Variants in AGTPBP1 observed in about 807,000 individuals in gnomAD.
The protein encoded by AGTPBP1 is ATP/GTP binding carboxypeptidase 1.
A neutral mutation model predicts 143.9 loss-of-function variants in AGTPBP1; 70 were observed. That is an observed-to-expected ratio of 0.49 (90% CI 0.40 to 0.59). The LOEUF (loss-of-function observed/expected upper bound fraction) is 0.59, where lower values mean the gene tolerates loss of function less well. AGTPBP1 is among the 20% of genes least tolerant of loss of function. The pLI is 0.00. For synonymous variants in AGTPBP1, 463 were observed against 500.2 expected, an observed-to-expected ratio of 0.93 and a Z score of 0.99; for missense variants, 1,229 against 1,464.5, an observed-to-expected ratio of 0.84 and a Z score of 2.62.
intron 3 of AGTPBP1, among the ~76,000 whole-genome samples, chr9:85,690,270 G>T (rs1373931064): frequency 6.6e-6 from 1 of 152,116 alleles, no homozygotes; most frequent in African/African-American, 2.4e-5. Flanking sequence ...CTCCCAAATG[G>T]ATAGCTAACT....
the AGTPBP1 span, among the ~76,000 whole-genome samples, chr9:85,764,361 T>A: frequency 2.0e-5 from 3 of 151,944 alleles, no homozygotes; most frequent in African/African-American, 7.3e-5. Flanking sequence ...AAACCCCATC[T>A]CTAGTAAAAA....
At chr9:85,765,992 C>A in the AGTPBP1 span, among the ~76,000 whole-genome samples, 1 of 151,990 alleles carries the variant, frequency 6.6e-6, no homozygotes, top group African/African-American at 2.4e-5. Flanking sequence ...CCAGGGTGTC[C>A]TCCCAAGGTG....
intron 1 of AGTPBP1, among the ~76,000 whole-genome samples, chr9:85,724,739 A>G (rs1357299765): frequency 6.6e-6 from 1 of 152,172 alleles, no homozygotes; most frequent in African/African-American, 2.4e-5. Flanking sequence ...CCTATTATCT[A>G]TCTCTTTCCA....
intron 2 of AGTPBP1, among the ~76,000 whole-genome samples, chr9:85,693,617 G>C (rs1239689659): frequency 6.6e-6 from 1 of 151,886 alleles, no homozygotes; most frequent in African/African-American, 2.4e-5. Context: ...AAAAAAAATT[G>C]TACATACGGT....
At chr9:85,730,381 T>C (rs182967751) in intron 1 of AGTPBP1, among the ~76,000 whole-genome samples, 2 of 152,322 alleles carry the variant, frequency 1.3e-5, no homozygotes, top group East Asian at 1.9e-4. Flanking sequence ...GCTGTGTCAG[T>C]AGACGGCTCT....
At chr9:85,642,217 A>G (rs1832521613) in intron 13 of AGTPBP1, among the ~76,000 whole-genome samples, 1 of 152,188 alleles carries the variant, frequency 6.6e-6, no homozygotes, top group African/African-American at 2.4e-5. Context: ...AAGCCAGCTA[A>G]TTGCCAACAA....
chr9:85,758,387 G>C, the AGTPBP1 span, among the ~76,000 whole-genome samples: 1 of 152,182 alleles, frequency 6.6e-6, no homozygotes, highest in African/African-American at 2.4e-5. Flanking sequence ...GCTCACACCT[G>C]TAATCCCAGC....
At chr9:85,664,630 TATAAC>T in intron 8 of AGTPBP1, among the ~76,000 whole-genome samples, 1 of 152,258 alleles carries the variant, frequency 6.6e-6, no homozygotes, top group Non-Finnish European at 1.5e-5. Context: ...GTCAATCTAA[TATAAC>T]AGAAACTAAG....
the AGTPBP1 span, among the ~76,000 whole-genome samples, chr9:85,787,646 T>A: frequency 6.6e-6 from 1 of 152,172 alleles, no homozygotes; most frequent in Non-Finnish European, 1.5e-5. Context: ...TAGTTTGTAC[T>A]TTTTAACCAT....
chr9:85,756,855 T>G, the AGTPBP1 span, among the ~76,000 whole-genome samples: 1 of 152,096 alleles, frequency 6.6e-6, no homozygotes, highest in Non-Finnish European at 1.5e-5. Context: ...AAGACCACCT[T>G]TGTATAATAC....
At chr9:85,662,258 T>C (rs554097706) in intron 8 of AGTPBP1, among the ~76,000 whole-genome samples, 1 of 152,194 alleles carries the variant, frequency 6.6e-6, no homozygotes, top group Admixed American at 6.6e-5. Flanking sequence ...AAGTTCTTAA[T>C]GGCTACACTT....
intron 19 of AGTPBP1, among the ~76,000 whole-genome samples, chr9:85,592,100 C>A (rs1829005309): frequency 6.6e-6 from 1 of 152,030 alleles, no homozygotes; most frequent in African/African-American, 2.4e-5. Context: ...CAAAAACACT[C>A]AAATTGCATC....
At chr9:85,713,347 A>G (rs1837502487) in intron 1 of AGTPBP1, among the ~76,000 whole-genome samples, 1 of 152,232 alleles carries the variant, frequency 6.6e-6, no homozygotes, top group African/African-American at 2.4e-5. Flanking sequence ...CCTGGCCAAC[A>G]TGGTGAAACC....
intron 23 of AGTPBP1, among the ~76,000 whole-genome samples, chr9:85,583,187 C>G (rs1030221915): frequency 2.0e-5 from 3 of 152,158 alleles, no homozygotes; most frequent in African/African-American, 7.2e-5. Context: ...GTTGATGACA[C>G]TGATTTTAAC....
chr9:85,773,420 G>A, the AGTPBP1 span, among the ~76,000 whole-genome samples: 21 of 120,552 alleles, frequency 1.7e-4, 1 homozygote, highest in South Asian at 6.1e-4. Flanking sequence ...TGCAGACTCC[G>A]CCTCCCAGGT....
chr9:85,735,642 T>G (rs1282845073), intron 1 of AGTPBP1, among the ~76,000 whole-genome samples: 1 of 152,144 alleles, frequency 6.6e-6, no homozygotes, highest in Non-Finnish European at 1.5e-5. Context: ...CAAATATAAA[T>G]AAAAGTTAAA....
chr9:85,729,404 G>C (rs1439309826), intron 1 of AGTPBP1, among the ~76,000 whole-genome samples: 1 of 152,150 alleles, frequency 6.6e-6, no homozygotes, highest in Non-Finnish European at 1.5e-5. Context: ...CTAAATGTAA[G>C]ACCTAAACCA....
At chr9:85,653,744 T>C (rs1263367682) in intron 11 of AGTPBP1, among the ~76,000 whole-genome samples, 1 of 152,234 alleles carries the variant, frequency 6.6e-6, no homozygotes. Context: ...GGCTTGATGC[T>C]GCTCCTGCAT....
At chr9:85,760,098 G>A in the AGTPBP1 span, among the ~76,000 whole-genome samples, 304 of 152,174 alleles carry the variant, frequency 2.0e-3, 1 homozygote, top group Non-Finnish European at 3.3e-3. Context: ...ATAGACCAAT[G>A]ACAGGCTCTG....
Sources: allele counts gnomAD v4.1 joint callset (sites outside exome capture counted in the v4.1 genomes callset), GRCh38; gene constraint gnomAD v4.1.1; transcripts MANE v1.5; gene names NCBI Gene and HGNC (gene_info 2026-07-23, HGNC 2026-07-21).